The following SPAG1 variants were observed in gnomAD, a reference collection of about 807,000 sequenced individuals.
The protein encoded by SPAG1 is sperm associated antigen 1, also known as sperm-associated antigen 1.
Under a neutral mutation model 100.5 loss-of-function variants are expected in SPAG1, and 69 were observed. The observed-to-expected ratio is 0.69, with a 90% CI of 0.57 to 0.84. The LOEUF is 0.84. Ranked by LOEUF, SPAG1 falls within the 40% of genes least tolerant of loss-of-function variation. The pLI is 0.00. For missense variants in SPAG1, 955 were observed against 1,133.1 expected, an observed-to-expected ratio of 0.84 and a Z score of 2.26; for synonymous variants, 336 against 411.6, an observed-to-expected ratio of 0.82 and a Z score of 2.22.
At chr8:100,219,723 A>G (rs1411702246) in intron 12 of SPAG1, among the ~76,000 whole-genome samples, 3 of 152,268 alleles carry the variant, frequency 2.0e-5, no homozygotes, top group African/African-American at 7.2e-5. Context: ...AACACTTCAT[A>G]GACTAAAACG....
intron 3 of SPAG1, among the ~76,000 whole-genome samples, chr8:100,167,773 G>T (rs1377058683): frequency 6.6e-6 from 1 of 152,154 alleles, no homozygotes; most frequent in African/African-American, 2.4e-5. Context: ...ATATGATACA[G>T]AACATTTCCA....
chr8:100,175,677 C>A (rs1177574428), intron 3 of SPAG1, among the ~76,000 whole-genome samples: 1 of 152,130 alleles, frequency 6.6e-6, no homozygotes, highest in African/African-American at 2.4e-5. Context: ...GACCACTTGA[C>A]CCCTTCGGTC....
At chr8:100,209,318 A>T (rs990211788) in intron 10 of SPAG1, among the ~76,000 whole-genome samples, 3 of 148,322 alleles carry the variant, frequency 2.0e-5, no homozygotes, top group Non-Finnish European at 4.5e-5. Context: ...ATATATATAT[A>T]TTCCTACTAT....
In SPAG1 at chr8:100,241,571, T is replaced by C. The variant is rs1177461318; in HGVS notation, c.*549T>C. The C allele has an allele frequency of 6.6e-6, 1 of 152,220 alleles. No homozygotes were observed. Among genetic ancestry groups the C allele is most frequent in the Admixed American group, 6.5e-5 (1 of 15,288 alleles). The allele number at this position is 152,220 out of a possible 1,614,324, so 9.4% of individuals were successfully genotyped here. A position where few individuals can be genotyped will look rare whatever the true frequency, so the allele number is the denominator to read the frequency against. ...TTAATTTAGAGCTATAAGAGGAACT[T>C]ATTTTTTCTAATACGGAAGCATTGC... is the stretch of plus-strand genomic sequence containing the variant. On this transcript the variant is annotated 3_prime_UTR_variant, in exon 19 of 19. Transcript: ENST00000388798. This position sits in a 1 kb window ranked among gnomAD's most constrained non-coding sequence, Gnocchi z 5.1.
intron 2 of SPAG1, among the ~76,000 whole-genome samples, chr8:100,163,980 A>T (rs971809323): frequency 1.3e-5 from 2 of 152,220 alleles, no homozygotes; most frequent in African/African-American, 4.8e-5. Flanking sequence ...TAATTTGGAA[A>T]TGAAATTTAT....
chr8:100,215,561 CAG>C (rs1305767151), intron 12 of SPAG1, among the ~76,000 whole-genome samples: 3 of 152,156 alleles, frequency 2.0e-5, no homozygotes, highest in Non-Finnish European at 2.9e-5. Flanking sequence ...GTTTTTGAGA[CAG>C]AGTCTCGCTC....
At chr8:100,183,263 G>C (rs867628192) in intron 4 of SPAG1, 112 bp from the exon 5 acceptor site, 2 of 547,484 alleles carry the variant, frequency 3.7e-6, no homozygotes, top group Admixed American at 3.5e-5. Context: ...GTGAGTCCCC[G>C]CACCTGGCTT....
At chr8:100,193,714 G>A (rs1198848687) in intron 9 of SPAG1, among the ~76,000 whole-genome samples, 1 of 152,150 alleles carries the variant, frequency 6.6e-6, no homozygotes, top group East Asian at 1.9e-4. Context: ...CCCACCGTTT[G>A]AGACTAGACT....
intron 8 of SPAG1, among the ~76,000 whole-genome samples, chr8:100,189,842 GTAGCAA>G (rs1306336886): frequency 1.3e-5 from 2 of 152,100 alleles, no homozygotes; most frequent in Non-Finnish European, 2.9e-5. Context: ...AGAAATCTGT[GTAGCAA>G]TAGCAATAGC....
chr8:100,170,055 C>T (rs1815749036), intron 3 of SPAG1, among the ~76,000 whole-genome samples: 1 of 150,788 alleles, frequency 6.6e-6, no homozygotes, highest in African/African-American at 2.4e-5. Context: ...TTTGGCTATT[C>T]TAGGTCTTTT....
intron 10 of SPAG1, among the ~76,000 whole-genome samples, chr8:100,202,251 T>G (rs1331881338): frequency 6.6e-6 from 1 of 152,148 alleles, no homozygotes; most frequent in Non-Finnish European, 1.5e-5. Context: ...TGAGAGTTTT[T>G]CCAAAAGAGC....
Position 100,240,936 on chromosome 8 carries a change from C to G in SPAG1, c.2695C>G (p.Gln899Glu), listed in dbSNP as rs1425723703. 1 of 1,607,674 alleles carries G rather than the reference C, an allele frequency of 6.2e-7. No individual in the cohort carries two copies. Among genetic ancestry groups the G allele is most frequent in the South Asian group, 1.1e-5 (1 of 90,704 alleles). ...ISKGQKELIE[Q>E]LFEDLSDTPN... is the part of the protein sequence containing the mutation. Reference sequence around the variant, plus strand: ...CAAGGGCCAAAAGGAGCTAATTGAACAGCTGTTTGAGGACCTTTCGGACAC... The same window carrying G: ...CAAGGGCCAAAAGGAGCTAATTGAAGAGCTGTTTGAGGACCTTTCGGACAC... Residue 899 changes from glutamine (Q) to glutamate (E), a missense_variant, in exon 19 of 19, where the codon CAG (glutamine) becomes GAG (glutamate). Gln to Glu is a conservative substitution (Grantham distance 29). Coordinates refer to ENST00000388798, the MANE Select transcript of SPAG1 (RefSeq NM_003114.5).
intron 3 of SPAG1, among the ~76,000 whole-genome samples, chr8:100,168,741 G>A (rs893201806): frequency 2.3e-5 from 3 of 129,962 alleles, no homozygotes; most frequent in Non-Finnish European, 4.7e-5. Context: ...AGGCTGGAGT[G>A]CAATGACACA....
intron 10 of SPAG1, among the ~76,000 whole-genome samples, chr8:100,202,477 G>A (rs1220221462): frequency 1.3e-5 from 2 of 151,680 alleles, no homozygotes; most frequent in East Asian, 1.9e-4. Flanking sequence ...TTGGGAGGCC[G>A]AGGCGGGCGG....
rs3831431 is a variant in SPAG1, at chr8:100,231,350, TAA to T, written c.1988+63_1988+64del. 17,995 of 1,166,028 alleles carry T rather than the reference TAA, an allele frequency of 0.015. 991 individuals are homozygous for T. Among genetic ancestry groups the T allele is most frequent in the African/African-American group, 0.15 (9,277 of 63,970 alleles). The allele number at this position is 1,166,028 out of a possible 1,614,324, so 72.2% of individuals were successfully genotyped here. ...ATAGTTTTGATTATTAAAAATATTT[TAA>T]GTTATTTTATTAACACAATTAAGTA... On this transcript the variant is annotated intron_variant, in intron 15 of 18. Transcript: ENST00000388798.
chr8:100,208,192 G>C (rs569289620), intron 10 of SPAG1, among the ~76,000 whole-genome samples: 21 of 152,338 alleles, frequency 1.4e-4, no homozygotes, highest in African/African-American at 5.1e-4. Flanking sequence ...TAAACTGGAA[G>C]TTAAGATTGC....
chr8:100,206,356 C>G (rs1817518153), intron 10 of SPAG1, among the ~76,000 whole-genome samples: 2 of 152,360 alleles, frequency 1.3e-5, no homozygotes, highest in African/African-American at 4.8e-5. Context: ...CCTTTACTGT[C>G]CTACCTCAGG....
At chr8:100,226,244 G>A (rs1818508278) in intron 14 of SPAG1, among the ~76,000 whole-genome samples, 1 of 152,074 alleles carries the variant, frequency 6.6e-6, no homozygotes, top group Non-Finnish European at 1.5e-5. Flanking sequence ...TGATTCTCCT[G>A]GCTCAGCCTC....
chr8:100,177,629 A>G (rs1157366628), intron 3 of SPAG1, among the ~76,000 whole-genome samples, 187 bp from the exon 4 acceptor site: 2 of 152,156 alleles, frequency 1.3e-5, no homozygotes, highest in Non-Finnish European at 2.9e-5. Context: ...TTTCTAATTC[A>G]TCTGTGAGTT....
Sources: gnomAD v4.1 joint callset for allele counts (sites outside exome capture counted in the v4.1 genomes callset) on GRCh38, gnomAD v4.1.1 for gene constraint, Gnocchi (gnomAD v3.1) non-coding constraint, MANE v1.5 for transcripts, NCBI Gene and HGNC (gene_info 2026-07-23, HGNC 2026-07-21) for gene names.